The following MCF2L2 variants were observed in gnomAD, a reference collection of about 807,000 sequenced individuals.
MCF2L2 encodes the protein MCF.2 cell line derived transforming sequence-like 2.
A neutral mutation model predicts 150.2 loss-of-function variants in MCF2L2; 102 were observed. The observed-to-expected ratio is 0.68, with a 90% CI of 0.58 to 0.80. The LOEUF is 0.80. MCF2L2 is among the 30% of genes least tolerant of loss of function. The pLI is 0.00. For synonymous variants in MCF2L2, 465 were observed against 491.3 expected (o/e 0.95, Z 0.71); for missense variants, 1,256 against 1,372.8 (o/e 0.91, Z 1.34).
At chr3:183,330,495 G>C (rs1274175524) in intron 5 of MCF2L2, among the ~76,000 whole-genome samples, 1 of 152,132 alleles carries the variant, frequency 6.6e-6, no homozygotes, top group Non-Finnish European at 1.5e-5. Flanking sequence ...CCAGGGATTA[G>C]GGATGGGGAG....
chr3:183,238,390 G>A (rs1450582659), intron 15 of MCF2L2, among the ~76,000 whole-genome samples: 2 of 151,858 alleles, frequency 1.3e-5, no homozygotes, highest in Admixed American at 1.3e-4. Context: ...TGCCTCCCAG[G>A]TTCAAGCAAT....
chr3:183,242,073 A>C (rs1209297455), intron 15 of MCF2L2, among the ~76,000 whole-genome samples: 1 of 152,244 alleles, frequency 6.6e-6, no homozygotes, highest in Non-Finnish European at 1.5e-5. Context: ...GACACTTCTA[A>C]GCAGCAAAGC....
chr3:183,382,263 T>C (rs1713575429), intron 2 of MCF2L2, among the ~76,000 whole-genome samples: 2 of 152,124 alleles, frequency 1.3e-5, no homozygotes, highest in South Asian at 4.1e-4. Context: ...TTCACCATGT[T>C]GGCCAGGCTG....
intron 25 of MCF2L2, among the ~76,000 whole-genome samples, chr3:183,200,517 A>G (rs923471396): frequency 3.9e-5 from 6 of 152,028 alleles, no homozygotes; most frequent in African/African-American, 1.2e-4. Flanking sequence ...TAGATTCTGG[A>G]TATTAGCCCT....
intron 27 of MCF2L2, among the ~76,000 whole-genome samples, chr3:183,183,389 G>A (rs1721594579): frequency 6.6e-6 from 1 of 152,180 alleles, no homozygotes; most frequent in South Asian, 2.1e-4. Flanking sequence ...AGAGTCTTAG[G>A]CACTAAGGAG....
At chr3:183,233,804 T>A (rs935991396) in intron 15 of MCF2L2, among the ~76,000 whole-genome samples, 3 of 152,206 alleles carry the variant, frequency 2.0e-5, no homozygotes, top group Admixed American at 1.3e-4. Flanking sequence ...TTACATAATA[T>A]TTTAAAATGA....
chr3:183,374,090 C>G (rs929307071), intron 3 of MCF2L2: 2 of 152,976 alleles, frequency 1.3e-5, no homozygotes, highest in Admixed American at 1.3e-4. Flanking sequence ...CCCTGCCTCC[C>G]TTTCCTGCTC....
intron 7 of MCF2L2, among the ~76,000 whole-genome samples, chr3:183,313,758 C>G (rs1317994647): frequency 1.3e-5 from 2 of 152,172 alleles, no homozygotes; most frequent in Non-Finnish European, 2.9e-5. Context: ...AGTTCATGCT[C>G]CCTTTCGGAG....
chr3:183,233,710 A>G (rs1350804233), intron 15 of MCF2L2, among the ~76,000 whole-genome samples: 3 of 152,188 alleles, frequency 2.0e-5, no homozygotes, highest in Non-Finnish European at 2.9e-5. Context: ...ATGGGAAAGG[A>G]GAATTTCTAC....
At chr3:183,413,382 G>A (rs1287366027) in intron 1 of MCF2L2, among the ~76,000 whole-genome samples, 2 of 152,086 alleles carry the variant, frequency 1.3e-5, no homozygotes, top group Non-Finnish European at 2.9e-5. Context: ...AAAATCATAA[G>A]AGAAAATATT....
chr3:183,254,504 G>A (rs1724846614), intron 15 of MCF2L2: 1 of 152,220 alleles, frequency 6.6e-6, no homozygotes, highest in Non-Finnish European at 1.5e-5. Context: ...AGGTGCGGCA[G>A]GTAGGCTCGG....
At chr3:183,419,445 T>C (rs1289573620) in intron 1 of MCF2L2, among the ~76,000 whole-genome samples, 1 of 152,244 alleles carries the variant, frequency 6.6e-6, no homozygotes, top group South Asian at 2.1e-4. Context: ...GGGTTTTTCT[T>C]TTCTACCACA....
intron 14 of MCF2L2, among the ~76,000 whole-genome samples, chr3:183,284,312 C>T (rs970263437): frequency 3.3e-5 from 5 of 152,180 alleles, no homozygotes; most frequent in Admixed American, 2.0e-4. Flanking sequence ...CTCCTTTATC[C>T]CAAGTCCTCA....
intron 15 of MCF2L2, among the ~76,000 whole-genome samples, chr3:183,257,958 CTTTTTTTTTTTTT>C (rs35323502): frequency 1.7e-4 from 11 of 64,724 alleles, no homozygotes; most frequent in African/African-American, 7.6e-4. Flanking sequence ...CCACTTCACC[CTTTTTTTTTTTTT>C]TTTTTTTTTT....
chr3:183,223,485 C>T, intron 19 of MCF2L2, 47 bp from the exon 20 acceptor site: 1 of 1,414,984 alleles, frequency 7.1e-7, no homozygotes, highest in Non-Finnish European at 1.0e-6. Flanking sequence ...AAACAACACA[C>T]ACAGAATAAA....
At chr3:183,328,586 T>C (rs1730146282) in intron 5 of MCF2L2, among the ~76,000 whole-genome samples, 1 of 151,824 alleles carries the variant, frequency 6.6e-6, no homozygotes. Context: ...GAAAGTGTTT[T>C]CTCAGAGAAA....
intron 15 of MCF2L2, among the ~76,000 whole-genome samples, chr3:183,254,385 T>C (rs564790707): frequency 3.6e-3 from 553 of 151,942 alleles, no homozygotes; most frequent in African/African-American, 0.013. Flanking sequence ...GCCCGCCCTC[T>C]GAAAGCGCGG....
At chr3:183,336,267 T>A (rs1730476654) in intron 5 of MCF2L2, among the ~76,000 whole-genome samples, 1 of 152,088 alleles carries the variant, frequency 6.6e-6, no homozygotes, top group African/African-American at 2.4e-5. Flanking sequence ...TGATAAGAAA[T>A]AATCAGATGA....
intron 1 of MCF2L2, among the ~76,000 whole-genome samples, chr3:183,425,003 T>C (rs781482432): frequency 2.3e-4 from 35 of 152,102 alleles, no homozygotes; most frequent in Non-Finnish European, 4.4e-4. Context: ...AGAGAATGAC[T>C]AGGTGCAGGT....
Sources: allele counts gnomAD v4.1 joint callset (sites outside exome capture counted in the v4.1 genomes callset), GRCh38; gene constraint gnomAD v4.1.1; transcripts MANE v1.5; gene names NCBI Gene and HGNC (gene_info 2026-07-23, HGNC 2026-07-21).